Variants in CAPN2 observed in about 807,000 individuals in gnomAD.
CAPN2 encodes calpain-2 catalytic subunit.
A neutral mutation model predicts 102.3 loss-of-function variants in CAPN2; 92 were observed. The ratio of observed to expected loss-of-function variants is 0.90; its 90% CI spans 0.76 to 1.07. CAPN2 has a LOEUF of 1.07. CAPN2 is among the 50% of genes least tolerant of loss of function. CAPN2 has a pLI of 0.00. For missense variants in CAPN2, 800 were observed against 909.4 expected, an observed-to-expected ratio of 0.88 and a Z score of 1.55; for synonymous variants, 340 against 355.4, an observed-to-expected ratio of 0.96 and a Z score of 0.49.
Position 223,774,904 on chromosome 1 carries a change from C to G in CAPN2, c.*47C>G, listed in dbSNP as rs559598482. ...AGACTTCTCATGATGGAAAATCAGC[C>G]AAGGACTAAGCTTCCATAGAAATAC... On this transcript the variant is annotated 3_prime_UTR_variant, in exon 21 of 21. Coordinates refer to ENST00000295006, the MANE Select transcript of CAPN2 (RefSeq NM_001748.5). The G allele has an allele frequency of 7.8e-6, 12 of 1,542,482 alleles. No homozygotes were observed. In the South Asian group the frequency reaches 1.2e-4, roughly 16 times the overall value.
rs192145871 is a variant in CAPN2, at chr1:223,758,281, A to T, written c.1317+901A>T. On this transcript the variant is annotated intron_variant, in intron 11 of 20. Transcript: ENST00000295006. ...GTCACCGCTTGCTGAAGCAGATGGGATGCCTGGTCCAAGGTCACGATTATT... is the reference window on the plus strand; with the variant it reads ...GTCACCGCTTGCTGAAGCAGATGGGTTGCCTGGTCCAAGGTCACGATTATT... 4 of 152,338 alleles carry T rather than the reference A, an allele frequency of 2.6e-5. No homozygotes were observed. In the East Asian group the frequency reaches 7.7e-4, roughly 29 times the overall value. 9.4% of individuals were successfully genotyped at this position (152,338 alleles called of 1,614,324 possible). A position where few individuals can be genotyped will look rare whatever the true frequency, so the allele number is the denominator to read the frequency against.
At chr1:223,753,146 C>T (rs1660948491) in intron 9 of CAPN2, among the ~76,000 whole-genome samples, 190 bp downstream of exon 9, 1 of 151,000 alleles carries the variant, frequency 6.6e-6, no homozygotes, top group Non-Finnish European at 1.5e-5. Flanking sequence ...CCCGAGCTCT[C>T]TTTCTCAATC....
chr1:223,717,831 G>A lies in CAPN2; in HGVS notation c.307G>A (p.Gly103Ser), dbSNP rs764139317. ...TRTDICQGAL[G>S]DCWLLAAIAS... ...CACAGACATCTGCCAAGGAGCCCTG[G>A]GTAAGTGATAGATTCAGAGCAAGCT... Residue 103 changes from glycine to serine, a missense_variant and splice_region_variant, in exon 2 of 21, where the codon GGT (glycine) becomes AGT (serine). Physicochemically the swap from Gly to Ser is moderately conservative, Grantham distance 56. Coordinates refer to ENST00000295006, the MANE Select transcript of CAPN2 (RefSeq NM_001748.5). 9.9e-6 allele frequency: 16 copies of A among 1,611,820 alleles called. No homozygotes were observed. Among genetic ancestry groups the A allele is most frequent in the Non-Finnish European group, 1.4e-5 (16 of 1,177,928 alleles).
chr1:223,732,328 G>A (rs28733702), intron 2 of CAPN2, among the ~76,000 whole-genome samples: 1 of 152,214 alleles, frequency 6.6e-6, no homozygotes, highest in Non-Finnish European at 1.5e-5. Context: ...CTACTTCATA[G>A]AGCAGCCCTG....
chr1:223,766,633 A>AC (rs541782972), intron 16 of CAPN2, among the ~76,000 whole-genome samples: 241 of 151,276 alleles, frequency 1.6e-3, no homozygotes, highest in Non-Finnish European at 2.0e-3. Context: ...CAAATGCTAC[A>AC]CCCCCCCTCC....
chr1:223,712,837 A>G lies in CAPN2; in HGVS notation c.197A>G (p.Tyr66Cys). 6.4e-7 allele frequency: 1 copy of G among 1,560,864 alleles called. No individual in the cohort carries two copies. The highest frequency in any genetic ancestry group is 8.6e-7 in the Non-Finnish European group (1 of 1,156,240). ...CTGGGCTTCAAGGAGTTGGGGCCCTACTCCAGCAAAACCCGGGGCATCGAG... is the reference window on the plus strand; with the variant it reads ...CTGGGCTTCAAGGAGTTGGGGCCCTGCTCCAGCAAAACCCGGGGCATCGAG... ...SALGFKELGP[Y>C]SSKTRGIEWK... The change falls in exon 1 of 21, where the codon TAC (tyrosine) becomes TGC (cysteine). Residue 66 changes from tyrosine to cysteine, a missense_variant. Transcript: ENST00000295006.
rs6663755 is a variant in CAPN2, at chr1:223,746,977, C to T, written c.561-20C>T. The T allele has an allele frequency of 4.4e-4, 706 of 1,604,236 alleles. 2 individuals carry two copies. The African/African-American group carries it at 8.8e-3, about 20-fold the overall frequency. The stretch of plus-strand genomic sequence containing the variant: ...TCAGTAGTGTCAAGGGTAGCGGCAG[C>T]GTCTAATCCCCTCTTGTAGGATCAA... On this transcript the variant is annotated intron_variant, in intron 4 of 20. Coordinates refer to ENST00000295006, the MANE Select transcript of CAPN2 (RefSeq NM_001748.5).
intron 16 of CAPN2, among the ~76,000 whole-genome samples, chr1:223,769,277 T>A (rs1427921917): frequency 2.6e-5 from 4 of 151,710 alleles, no homozygotes; most frequent in Admixed American, 2.6e-4. Flanking sequence ...CGCGCCACCA[T>A]GCCCAGCTGA....
At chr1:223,736,464 C>T (rs1423385028) in intron 2 of CAPN2, among the ~76,000 whole-genome samples, 4 of 152,196 alleles carry the variant, frequency 2.6e-5, no homozygotes, top group Non-Finnish European at 5.9e-5. Context: ...ACTTGCCTTT[C>T]ACAGGGATCC....
rs184335455 is a variant in CAPN2 at position 223,754,929 on chromosome 1, C to G, written c.1136-551C>G. Among the ~76,000 whole-genome samples the G allele has an allele frequency of 4.6e-5, 7 of 152,142 alleles. No individual in the cohort carries two copies. The highest frequency in any genetic ancestry group is 1.7e-4 in the African/African-American group (7 of 41,432). ...GAGAAGGTACCATGAGGGGAAGCCA[C>G]AGCTCTAACCACCCTGCGTTCCAGA... On this transcript the variant is annotated intron_variant, in intron 9 of 20. Transcript: ENST00000295006. The surrounding 1 kb of genome is among the most constrained non-coding windows in gnomAD (Gnocchi z 4.7).
intron 1 of CAPN2, among the ~76,000 whole-genome samples, chr1:223,703,433 A>G (rs562709567): frequency 1.3e-5 from 2 of 151,984 alleles, no homozygotes; most frequent in East Asian, 3.9e-4. Flanking sequence ...TTTGCAAAGC[A>G]CCTGAGATGA....
chr1:223,716,834 G>C (rs1659883632), intron 1 of CAPN2, among the ~76,000 whole-genome samples: 1 of 152,068 alleles, frequency 6.6e-6, no homozygotes, highest in Admixed American at 6.5e-5. Context: ...CTTCCATCAG[G>C]CTGCTCATGA....
At chr1:223,729,520 G>C (rs575689114) in intron 2 of CAPN2, among the ~76,000 whole-genome samples, 2 of 152,314 alleles carry the variant, frequency 1.3e-5, no homozygotes, top group South Asian at 4.1e-4. Context: ...GCCCAAGGTG[G>C]TTGGTTTACA....
Position 223,712,788 on chromosome 1 carries a change from T to A in CAPN2, c.148T>A (p.Ser50Thr). The A allele has an allele frequency of 6.3e-7, 1 of 1,581,544 alleles. No individual in the cohort carries two copies. The highest frequency in any genetic ancestry group is 8.6e-7 in the Non-Finnish European group (1 of 1,166,356). The change falls in exon 1 of 21, where the codon TCC becomes ACC. Residue 50 changes from serine (S) to threonine (T), a missense_variant. By Grantham distance (58) the Ser-to-Thr change is moderately conservative (BLOSUM62 1). Coordinates refer to ENST00000295006, the MANE Select transcript of CAPN2 (RefSeq NM_001748.5). The stretch of plus-strand genomic sequence containing the variant: ...GGCCGGGACGCTCTTCCAGGACCCG[T>A]CCTTCCCGGCCATCCCCTCGGCCCT... Reference protein sequence around the residue: ...LEAGTLFQDPSFPAIPSALGF... With the variant: ...LEAGTLFQDPTFPAIPSALGF...
At position 223,749,029 on chromosome 1, in the gene CAPN2, G is replaced by A. The variant is rs980898370; in HGVS notation, c.730-10G>A. On this transcript the variant is annotated splice_polypyrimidine_tract_variant and intron_variant, in intron 5 of 20. Coordinates refer to ENST00000295006, the MANE Select transcript of CAPN2 (RefSeq NM_001748.5). ...GGGTGCGGCCAGTCTGACGGTTGCT[G>A]TGTTTGCAGATCACCAGCGCCGCGG... is the stretch of plus-strand genomic sequence containing the variant. 1 of 1,613,130 alleles carries A rather than the reference G, an allele frequency of 6.2e-7. No individual in the cohort carries two copies. Among genetic ancestry groups the A allele is most frequent in the Non-Finnish European group, 8.5e-7 (1 of 1,179,086 alleles).
intron 1 of CAPN2, among the ~76,000 whole-genome samples, chr1:223,702,856 T>C (rs1659518557): frequency 6.6e-6 from 1 of 151,668 alleles, no homozygotes; most frequent in Admixed American, 6.6e-5. Flanking sequence ...GTGAAGGAGA[T>C]TGAGAAAGAA....
intron 2 of CAPN2, among the ~76,000 whole-genome samples, chr1:223,739,182 ATT>A (rs5781334): frequency 6.8e-5 from 9 of 132,414 alleles, no homozygotes; most frequent in African/African-American, 1.1e-4. Flanking sequence ...GCATAAACAG[ATT>A]TTTTTTTTTT....
upstream of CAPN2, among the ~76,000 whole-genome samples, chr1:223,709,378 C>A (rs933341672): frequency 1.2e-4 from 18 of 152,188 alleles, no homozygotes; most frequent in African/African-American, 3.9e-4. Context: ...GATTCCATTT[C>A]GGCAGGGTGC....
intron 5 of CAPN2, 94 bp from the exon 6 acceptor site, chr1:223,748,938 TGCGTCCG>T: frequency 9.3e-7 from 1 of 1,080,734 alleles, no homozygotes; most frequent in Non-Finnish European, 1.4e-6. Flanking sequence ...GCTGCGCTAG[TGCGTCCG>T]GCGGTCCCGC....
Sources: allele counts gnomAD v4.1 joint callset (sites outside exome capture counted in the v4.1 genomes callset), GRCh38; gene constraint gnomAD v4.1.1; non-coding constraint Gnocchi (gnomAD v3.1); transcripts MANE v1.5; gene names NCBI Gene and HGNC (gene_info 2026-07-23, HGNC 2026-07-21).